The following PARD3 variants were observed in gnomAD, a reference collection of about 807,000 sequenced individuals.
PARD3 encodes partitioning defective 3 homolog.
A neutral mutation model predicts 155.4 loss-of-function variants in PARD3; 75 were observed. The ratio of observed to expected loss-of-function variants is 0.48; its 90% CI spans 0.40 to 0.58. PARD3 has a LOEUF of 0.58. PARD3 is among the 20% of genes least tolerant of loss of function. PARD3 has a pLI of 0.00. For missense variants in PARD3, 1,642 were observed against 1,721.7 expected (o/e 0.95, Z 0.82); for synonymous variants, 576 against 610.5 (o/e 0.94, Z 0.83).
chr10:34,307,141 C>T (rs1248239878), intron 20 of PARD3, among the ~76,000 whole-genome samples: 2 of 152,134 alleles, frequency 1.3e-5, no homozygotes, highest in African/African-American at 4.8e-5. Context: ...CCGCCCACCT[C>T]GGCCTCCCAA....
intron 2 of PARD3, among the ~76,000 whole-genome samples, chr10:34,562,365 A>G (rs1357699613): frequency 6.6e-6 from 1 of 152,052 alleles, no homozygotes; most frequent in Non-Finnish European, 1.5e-5. Context: ...TGAACCAGGG[A>G]GTCAGAGGTT....
At chr10:34,707,120 C>T (rs762241319) in intron 1 of PARD3, among the ~76,000 whole-genome samples, 2 of 151,906 alleles carry the variant, frequency 1.3e-5, no homozygotes, top group Admixed American at 6.6e-5. Context: ...GTAGTGCGCA[C>T]CTGTGGTCCG....
intron 22 of PARD3, among the ~76,000 whole-genome samples, chr10:34,201,509 T>C (rs1951209192): frequency 1.3e-5 from 2 of 152,196 alleles, no homozygotes; most frequent in South Asian, 2.1e-4. Flanking sequence ...ACTAAGGGCA[T>C]AGAATGCTTT....
intron 4 of PARD3, among the ~76,000 whole-genome samples, chr10:34,457,270 G>A (rs1324537792): frequency 6.6e-6 from 1 of 152,218 alleles, no homozygotes; most frequent in African/African-American, 2.4e-5. Context: ...TTTCTCTGAA[G>A]CCACTGGATC....
intron 22 of PARD3, among the ~76,000 whole-genome samples, chr10:34,165,101 T>C (rs1949466570): frequency 1.3e-5 from 2 of 151,416 alleles, no homozygotes; most frequent in Admixed American, 1.3e-4. Context: ...AAAAAAAAGG[T>C]TCCTTTAATT....
At chr10:34,218,823 C>T (rs947247631) in intron 22 of PARD3, among the ~76,000 whole-genome samples, 13 of 151,656 alleles carry the variant, frequency 8.6e-5, no homozygotes, top group African/African-American at 3.2e-4. Context: ...GTGGGGGATG[C>T]AAAACCAGAA....
chr10:34,611,241 A>G (rs913036749), intron 2 of PARD3, among the ~76,000 whole-genome samples: 2 of 152,230 alleles, frequency 1.3e-5, no homozygotes, highest in African/African-American at 2.4e-5. Flanking sequence ...TAGCTTTCAA[A>G]GGTATTCTCT....
intron 22 of PARD3, among the ~76,000 whole-genome samples, chr10:34,246,927 C>G (rs60677358): frequency 0.041 from 6,297 of 152,102 alleles, 375 homozygotes; most frequent in African/African-American, 0.13. Flanking sequence ...CCAACACACA[C>G]AAAATACAAT....
chr10:34,399,112 C>A (rs907810416), intron 7 of PARD3, among the ~76,000 whole-genome samples: 1 of 152,094 alleles, frequency 6.6e-6, no homozygotes, highest in Non-Finnish European at 1.5e-5. Flanking sequence ...TAGGATAATT[C>A]AAATGCAGTT....
chr10:34,351,115 C>T (rs914174614), intron 14 of PARD3, among the ~76,000 whole-genome samples: 7 of 152,206 alleles, frequency 4.6e-5, no homozygotes, highest in Admixed American at 4.6e-4. Context: ...GTGTCTTTCA[C>T]CTAAAGAAAA....
chr10:34,241,549 C>T (rs1953597076), intron 22 of PARD3, among the ~76,000 whole-genome samples: 1 of 152,128 alleles, frequency 6.6e-6, no homozygotes, highest in African/African-American at 2.4e-5. Context: ...GAAAGCAGCA[C>T]TGTAGTAGGC....
intron 1 of PARD3, among the ~76,000 whole-genome samples, chr10:34,721,820 T>G (rs2094610821): frequency 6.6e-6 from 1 of 152,220 alleles, no homozygotes; most frequent in Admixed American, 6.5e-5. Context: ...ACCAATACCT[T>G]CAATTAAGCA....
chr10:34,674,830 G>A (rs746837927), intron 2 of PARD3, among the ~76,000 whole-genome samples: 5 of 151,976 alleles, frequency 3.3e-5, no homozygotes, highest in African/African-American at 4.8e-5. Flanking sequence ...GAACCTTCCC[G>A]GTCTAAGCCC....
chr10:34,348,030 A>C lies in PARD3; in HGVS notation c.2153T>G (p.Leu718Arg). Residue 718 changes from leucine to arginine, a missense_variant, in exon 15 of 25, where the codon CTC becomes CGC. Leu to Arg is a moderately radical substitution (Grantham distance 102). Coordinates refer to ENST00000374788, the MANE Select transcript of PARD3 (RefSeq NM_001184785.2). ...ATCAAGCCCCTCAATCCCACTGTAG[A>C]GGGAATGGGAAATTCTTCGTTCTCT... is the stretch of plus-strand genomic sequence containing the variant. Reference protein sequence around the residue: ...DDRERRISHSLYSGIEGLDES... With the variant: ...DDRERRISHSRYSGIEGLDES... 1 of 1,613,198 alleles carries C rather than the reference A, an allele frequency of 6.2e-7. No homozygotes were observed.
intron 1 of PARD3, among the ~76,000 whole-genome samples, chr10:34,729,464 G>A (rs2094777954): frequency 6.6e-6 from 1 of 150,952 alleles, no homozygotes; most frequent in Non-Finnish European, 1.5e-5. Flanking sequence ...CCAGCAGGCG[G>A]AGGTTGCAGT....
At position 34,815,148 on chromosome 10, in the gene PARD3, C is replaced by T; in HGVS notation, c.-153G>A. ...GGCAGGCGGCGGCGACGCCGGGGGGCCGCTCAGCTCGCATGCCCGGCCCGG... is the reference window on the plus strand; with the variant it reads ...GGCAGGCGGCGGCGACGCCGGGGGGTCGCTCAGCTCGCATGCCCGGCCCGG... On this transcript the variant is annotated 5_prime_UTR_variant, in exon 1 of 25. Transcript: ENST00000374788. 4.8e-6 allele frequency: 1 copy of T among 209,724 alleles called. No individual in the cohort carries two copies. 13.0% of individuals were successfully genotyped at this position (209,724 alleles called of 1,614,324 possible). A position where few individuals can be genotyped will look rare whatever the true frequency, so the allele number is the denominator to read the frequency against.
intron 2 of PARD3, among the ~76,000 whole-genome samples, chr10:34,523,294 C>T (rs74132043): frequency 0.016 from 2,467 of 152,306 alleles, 67 homozygotes; most frequent in African/African-American, 0.056. Flanking sequence ...ATGTGACACC[C>T]TGTGAGCAAT....
chr10:34,813,999 A>G (rs1342412835), intron 1 of PARD3, among the ~76,000 whole-genome samples: 1 of 152,244 alleles, frequency 6.6e-6, no homozygotes, highest in Admixed American at 6.5e-5. Context: ...TGTGAAGTGG[A>G]GACAATGTTA....
rs572364466 is a variant in PARD3 at position 34,264,445 on chromosome 10, G to C, written c.3419+5212C>G. ...TTCATGAAATAGAAACCTGATTGCA[G>C]GTAACTTAAACACGTAACAAATTCA... is the stretch of plus-strand genomic sequence containing the variant. On this transcript the variant is annotated intron_variant, in intron 22 of 24. Transcript: ENST00000374788. 2.6e-5 allele frequency among the ~76,000 whole-genome samples: 4 copies of C among 152,294 alleles called. No homozygotes were observed. In the South Asian group the frequency reaches 6.2e-4, roughly 24 times the overall value.
Sources: allele counts gnomAD v4.1 joint callset (sites outside exome capture counted in the v4.1 genomes callset), GRCh38; gene constraint gnomAD v4.1.1; transcripts MANE v1.5; gene names NCBI Gene and HGNC (gene_info 2026-07-23, HGNC 2026-07-21).